Variants in RNF111 observed in about 807,000 individuals in gnomAD.
RNF111 encodes the protein ring finger protein 111, also known as E3 ubiquitin-protein ligase Arkadia.
A neutral mutation model predicts 95.1 loss-of-function variants in RNF111; 17 were observed. That is an observed-to-expected ratio of 0.18 (90% CI 0.12 to 0.27). The LOEUF (loss-of-function observed/expected upper bound fraction) is 0.27, where lower values mean the gene tolerates loss of function less well. Ranked by LOEUF, RNF111 falls within the 10% of genes least tolerant of loss-of-function variation. RNF111 has a pLI of 1.00. For missense variants in RNF111, 1,189 were observed against 1,210.4 expected (o/e 0.98, Z 0.26); for synonymous variants, 440 against 414.8 (o/e 1.06, Z -0.74).
At chr15:59,046,689 C>G (rs188854227) in intron 2 of RNF111, among the ~76,000 whole-genome samples, 2 of 152,124 alleles carry the variant, frequency 1.3e-5, no homozygotes, top group Admixed American at 1.3e-4. Context: ...AAATATGTCA[C>G]CAAAATCACA....
At chr15:59,056,115 AGTTTG>A (rs2042190426) in intron 4 of RNF111, among the ~76,000 whole-genome samples, 1 of 152,178 alleles carries the variant, frequency 6.6e-6, no homozygotes, top group South Asian at 2.1e-4. Context: ...AAACTAGTTT[AGTTTG>A]ATTTGTAATA....
chr15:59,059,427 A>C lies in RNF111; in HGVS notation c.1366+877A>C, dbSNP rs573565454. ...GCTGGTAGGAATGCAAAATGGTGCA[A>C]CTGCTGAGAAAAACACTTTGATGGT... On this transcript the variant is annotated intron_variant, in intron 5 of 13. Coordinates refer to ENST00000348370, the MANE Select transcript of RNF111 (RefSeq NM_017610.8). 2.4e-4 allele frequency among the ~76,000 whole-genome samples: 37 copies of C among 152,334 alleles called. No homozygotes were observed. The South Asian group carries it at 5.0e-3, about 20-fold the overall frequency.
At chr15:59,065,733 A>G (rs1476569775) in intron 5 of RNF111, among the ~76,000 whole-genome samples, 1 of 152,216 alleles carries the variant, frequency 6.6e-6, no homozygotes, top group Non-Finnish European at 1.5e-5. Flanking sequence ...TGGCCCAGAC[A>G]TGGTGGCTCA....
intron 2 of RNF111, among the ~76,000 whole-genome samples, chr15:59,052,041 G>A (rs2042010267): frequency 1.3e-5 from 2 of 151,978 alleles, no homozygotes; most frequent in Non-Finnish European, 2.9e-5. Context: ...AAATCATGTA[G>A]AAACCACTGA....
intron 8 of RNF111, 70 bp from the exon 9 acceptor site, chr15:59,084,059 C>G (rs1312124893): frequency 5.7e-6 from 8 of 1,413,930 alleles, no homozygotes; most frequent in Non-Finnish European, 6.5e-6. Flanking sequence ...GGATTTTTTT[C>G]TACATTAAGA....
At chr15:59,016,273 G>T (rs765832194) in intron 1 of RNF111, among the ~76,000 whole-genome samples, 9 of 151,692 alleles carry the variant, frequency 5.9e-5, no homozygotes, top group African/African-American at 2.2e-4. Context: ...GGATTCAAGC[G>T]ATTCTCCTGC....
intron 2 of RNF111, among the ~76,000 whole-genome samples, chr15:59,042,427 A>C (rs1358323621): frequency 6.6e-6 from 1 of 152,128 alleles, no homozygotes; most frequent in Non-Finnish European, 1.5e-5. Context: ...TGGCTGTCCA[A>C]CATTTTTTTT....
intron 1 of RNF111, among the ~76,000 whole-genome samples, chr15:59,009,800 C>A (rs1045414534): frequency 6.6e-6 from 1 of 151,794 alleles, no homozygotes; most frequent in African/African-American, 2.4e-5. Context: ...GCAAAAAATT[C>A]AAAAAATTAG....
intron 2 of RNF111, among the ~76,000 whole-genome samples, chr15:59,051,429 G>T (rs1489543590): frequency 1.4e-5 from 2 of 140,592 alleles, no homozygotes; most frequent in Admixed American, 7.6e-5. Flanking sequence ...CTGCACTCCA[G>T]ACTGGGCGAT....
chr15:59,004,173 A>G, intron 1 of RNF111: 1 of 1,186,588 alleles, frequency 8.4e-7, no homozygotes, highest in Non-Finnish European at 1.1e-6. Context: ...AGCAGTTTTA[A>G]GGTCTCAACT....
At chr15:58,999,461 G>T (rs547562441) in intron 1 of RNF111, among the ~76,000 whole-genome samples, 4 of 151,818 alleles carry the variant, frequency 2.6e-5, no homozygotes, top group Admixed American at 1.3e-4. Context: ...TCAGCCTCCC[G>T]AGTAGCTGGG....
chr15:59,094,747 A>AC, intron 13 of RNF111, 36 bp from the exon 14 acceptor site: 1 of 1,177,704 alleles, frequency 8.5e-7, no homozygotes, highest in Non-Finnish European at 1.3e-6. Context: ...TTATCATAAA[A>AC]TTAATTTTTG....
intron 1 of RNF111, among the ~76,000 whole-genome samples, chr15:59,005,272 C>A (rs1596052239): frequency 6.6e-6 from 1 of 152,170 alleles, no homozygotes. Flanking sequence ...AGCAGTCCTC[C>A]CTGCATGAAG....
Position 59,075,952 on chromosome 15 carries a change from A to C in RNF111, c.1687-2A>C. The C allele has an allele frequency of 1.2e-6, 2 of 1,613,830 alleles. No individual in the cohort carries two copies. Among genetic ancestry groups the C allele is most frequent in the Non-Finnish European group, 1.7e-6 (2 of 1,179,728 alleles). ...GATAAAATATACTTCCTTTTTATCT[A>C]GCAGGCATTGCCAGTGGACCTGAGC... On this transcript the variant is annotated splice_acceptor_variant, in intron 6 of 13. Coordinates refer to ENST00000348370, the MANE Select transcript of RNF111 (RefSeq NM_017610.8). LOFTEE classifies it high-confidence loss of function.
intron 2 of RNF111, among the ~76,000 whole-genome samples, chr15:59,048,198 C>T (rs980707107): frequency 3.3e-5 from 5 of 152,112 alleles, no homozygotes; most frequent in Non-Finnish European, 2.9e-5. Context: ...AAAAACTGAG[C>T]AAAACCCAAA....
chr15:59,012,877 T>A (rs1456199448), intron 1 of RNF111, among the ~76,000 whole-genome samples: 1 of 152,134 alleles, frequency 6.6e-6, no homozygotes, highest in Non-Finnish European at 1.5e-5. Flanking sequence ...TATCTGTGAT[T>A]ACAGGTGCCT....
chr15:59,067,354 T>TCCCTTC (rs1210201309), intron 6 of RNF111, among the ~76,000 whole-genome samples: 1 of 151,390 alleles, frequency 6.6e-6, no homozygotes, highest in Non-Finnish European at 1.5e-5. Context: ...CTTTCTCCTT[T>TCCCTTC]CCCTTCCCCT....
intron 1 of RNF111, among the ~76,000 whole-genome samples, chr15:59,008,272 C>T (rs1435710232): frequency 6.6e-6 from 1 of 152,156 alleles, no homozygotes; most frequent in Non-Finnish European, 1.5e-5. Context: ...GGCTGCAGTG[C>T]AGTGGCACAG....
Position 59,030,968 on chromosome 15 carries a change from T to C in RNF111, c.146T>C (p.Phe49Ser). ...HPEPIGAAKS[F>S]PAGVEMINSK... ...GAGCCCATTGGGGCAGCCAAAAGTT[T>C]TCCTGCAGGAGTTGAGATGATTAAT... Residue 49 changes from phenylalanine to serine, a missense_variant, in exon 2 of 14, where the codon TTT (phenylalanine) becomes TCT (serine). Phe to Ser is a radical substitution (Grantham distance 155, BLOSUM62 -2). Around this residue, in one of 2 missense-constraint regions of RNF111, gnomAD observed 1,024 missense variants for 925.9 expected, o/e 1.11. Coordinates refer to ENST00000348370, the MANE Select transcript of RNF111 (RefSeq NM_017610.8). 1 of 1,614,198 alleles carries C rather than the reference T, an allele frequency of 6.2e-7. No individual in the cohort carries two copies. The highest frequency in any genetic ancestry group is 8.5e-7 in the Non-Finnish European group (1 of 1,180,038).
Sources: gnomAD v4.1 joint callset for allele counts (sites outside exome capture counted in the v4.1 genomes callset) on GRCh38, gnomAD v4.1.1 for gene constraint, gnomAD v4.1.1 regional missense constraint, MANE v1.5 for transcripts, NCBI Gene and HGNC (gene_info 2026-07-23, HGNC 2026-07-21) for gene names.